PCDH9: variants seen among roughly 807,000 people sequenced by gnomAD.
PCDH9 encodes protocadherin 9.
In PCDH9, 24 loss-of-function variants were observed where a neutral mutation model predicts 70.6. That is an observed-to-expected ratio of 0.34 (90% confidence interval 0.25 to 0.48). PCDH9 has a LOEUF of 0.48. Among genes scored for constraint, PCDH9 ranks in the 20% least tolerant of loss-of-function variants. The probability of loss-of-function intolerance (pLI) is 0.99; values close to 1 mark genes in which losing one functional copy is unlikely to be tolerated. For missense variants in PCDH9, 1,281 were observed against 1,503.6 expected, an observed-to-expected ratio of 0.85 and a Z score of 2.45; for synonymous variants, 562 against 558.5, an observed-to-expected ratio of 1.01 and a Z score of -0.09.
At chr13:66,553,954 G>T (rs149220854) in intron 4 of PCDH9, among the ~76,000 whole-genome samples, 41 of 152,134 alleles carry the variant, frequency 2.7e-4, no homozygotes, top group African/African-American at 9.6e-4. Flanking sequence ...GCTTTGTGGA[G>T]GTTTCTGAGC....
chr13:66,919,536 T>A lies in PCDH9; in HGVS notation c.3037-15931A>T, dbSNP rs118109103. 0.01 allele frequency among the ~76,000 whole-genome samples: 1,518 copies of A among 151,372 alleles called. 47 individuals are homozygous for A. In the South Asian group the frequency reaches 0.13, roughly 13 times the overall value. ...AAGCTCAGTATTTTCAATTTCAAAT[T>A]CTGCTGTGGAACCACACATTACATT... On this transcript the variant is annotated intron_variant, in intron 2 of 4. Coordinates refer to ENST00000377865, the MANE Select transcript of PCDH9 (RefSeq NM_203487.3).
chr13:66,450,885 G>T (rs1958193817), intron 4 of PCDH9, among the ~76,000 whole-genome samples: 1 of 152,088 alleles, frequency 6.6e-6, no homozygotes, highest in African/African-American at 2.4e-5. Flanking sequence ...AGGCGTGGTG[G>T]CGGCCCCTGT....
intron 2 of PCDH9, among the ~76,000 whole-genome samples, chr13:67,162,722 G>T (rs572712851): frequency 1.1e-4 from 16 of 151,718 alleles, no homozygotes; most frequent in Admixed American, 5.9e-4. Flanking sequence ...CCACATCAGA[G>T]AAAAAGGAAA....
At chr13:66,874,056 T>C in intron 3 of PCDH9, among the ~76,000 whole-genome samples, 1 of 151,692 alleles carries the variant, frequency 6.6e-6, no homozygotes, top group Non-Finnish European at 1.5e-5. Flanking sequence ...TCCTCCCACT[T>C]CCACCTCCCA....
At chr13:66,730,894 T>TTTTG (rs2079069604) in intron 3 of PCDH9, among the ~76,000 whole-genome samples, 1 of 96,802 alleles carries the variant, frequency 1.0e-5, no homozygotes, top group African/African-American at 3.7e-5. Flanking sequence ...TTTGTTTGTT[T>TTTTG]CTTTTTTTTT....
At chr13:66,342,887 C>A (rs371171420) in intron 4 of PCDH9, among the ~76,000 whole-genome samples, 97 of 152,028 alleles carry the variant, frequency 6.4e-4, no homozygotes, top group African/African-American at 2.2e-3. Context: ...CTTGGACAAT[C>A]CGCCCACCTC....
At chr13:66,454,127 A>AG in intron 4 of PCDH9, among the ~76,000 whole-genome samples, 1 of 152,074 alleles carries the variant, frequency 6.6e-6, no homozygotes, top group Non-Finnish European at 1.5e-5. Context: ...AAGAAAAAAA[A>AG]GTCCCCAAAT....
At chr13:66,715,785 C>A (rs2078859859) in intron 3 of PCDH9, among the ~76,000 whole-genome samples, 1 of 152,130 alleles carries the variant, frequency 6.6e-6, no homozygotes, top group Non-Finnish European at 1.5e-5. Flanking sequence ...ACCAATAGAT[C>A]AATATGGATG....
At chr13:66,932,001 T>A (rs2082819224) in intron 2 of PCDH9, among the ~76,000 whole-genome samples, 1 of 152,118 alleles carries the variant, frequency 6.6e-6, no homozygotes, top group Non-Finnish European at 1.5e-5. Flanking sequence ...AATAAAACAG[T>A]TATATTATTA....
intron 2 of PCDH9, among the ~76,000 whole-genome samples, chr13:67,034,173 CG>C (rs1156670296): frequency 6.6e-6 from 1 of 151,892 alleles, no homozygotes; most frequent in Admixed American, 6.6e-5. Context: ...TTAGTAGAGA[CG>C]GGGTTTCACC....
rs1245246519 is a variant in PCDH9 at position 67,167,046 on chromosome 13, T to C, written c.3036+58359A>G. ...CCTTCCTTGTTATATCTTACAATCA[T>C]ATATTTTATAAGAATTCATTATGAT... On this transcript the variant is annotated intron_variant, in intron 2 of 4. Coordinates refer to ENST00000377865, the MANE Select transcript of PCDH9 (RefSeq NM_203487.3). Among the ~76,000 whole-genome samples the C allele has an allele frequency of 2.6e-5, 4 of 152,250 alleles. No individual in the cohort carries two copies. In the East Asian group the frequency reaches 5.8e-4, roughly 22 times the overall value.
intron 3 of PCDH9, among the ~76,000 whole-genome samples, chr13:66,810,939 T>C (rs2080493811): frequency 6.6e-6 from 1 of 152,042 alleles, no homozygotes. Flanking sequence ...CTTTACCTAA[T>C]ATTAATATGA....
chr13:66,849,517 T>TATATATATAGAGAG (rs1272589939), intron 3 of PCDH9, among the ~76,000 whole-genome samples: 7 of 63,574 alleles, frequency 1.1e-4, no homozygotes, highest in East Asian at 1.1e-3. Context: ...TATATATATA[T>TATATATATAGAGAG]AGAGAGAGAG....
chr13:66,980,350 A>G (rs1165320693), intron 2 of PCDH9, among the ~76,000 whole-genome samples: 1 of 152,176 alleles, frequency 6.6e-6, no homozygotes. Flanking sequence ...ATTTCCCACA[A>G]GACAAACAAG....
At chr13:66,942,107 C>T (rs1458617731) in intron 2 of PCDH9, among the ~76,000 whole-genome samples, 9 of 151,826 alleles carry the variant, frequency 5.9e-5, no homozygotes, top group African/African-American at 2.2e-4. Context: ...TTAGAAGTTA[C>T]TCTGAATTTA....
At chr13:66,392,874 A>T (rs1462099492) in intron 4 of PCDH9, among the ~76,000 whole-genome samples, 3 of 151,298 alleles carry the variant, frequency 2.0e-5, no homozygotes, top group Non-Finnish European at 4.4e-5. Context: ...TAGGGTAAAA[A>T]CATGGGCATT....
intron 4 of PCDH9, among the ~76,000 whole-genome samples, chr13:66,530,547 A>T (rs901429574): frequency 6.6e-6 from 1 of 151,778 alleles, no homozygotes; most frequent in Non-Finnish European, 1.5e-5. Context: ...TAGGTCTGCC[A>T]TCCTTCATCA....
At chr13:66,564,380 G>T (rs2076622056) in intron 4 of PCDH9, among the ~76,000 whole-genome samples, 1 of 151,854 alleles carries the variant, frequency 6.6e-6, no homozygotes, top group Admixed American at 6.6e-5. Context: ...TGCCCAGGCT[G>T]GTCTTGAACT....
chr13:67,073,618 G>A (rs1189619853), intron 2 of PCDH9, among the ~76,000 whole-genome samples: 1 of 151,728 alleles, frequency 6.6e-6, no homozygotes, highest in Non-Finnish European at 1.5e-5. Flanking sequence ...ACATAGTTTT[G>A]AGATTCAAAA....
Sources: gnomAD v4.1 joint callset for allele counts (sites outside exome capture counted in the v4.1 genomes callset) on GRCh38, gnomAD v4.1.1 for gene constraint, MANE v1.5 for transcripts, NCBI Gene and HGNC (gene_info 2026-07-23, HGNC 2026-07-21) for gene names.